Variants in DENND1A observed in about 807,000 individuals in gnomAD.
DENND1A encodes DENN domain containing 1A.
DENND1A carries 51 observed loss-of-function variants against 113.7 expected under a neutral mutation model. The observed-to-expected ratio is 0.45, with a 90% CI of 0.36 to 0.57. DENND1A has a LOEUF of 0.57. Among genes scored for constraint, DENND1A ranks in the 20% least tolerant of loss-of-function variants. DENND1A has a pLI of 0.00. For missense variants in DENND1A, 1,258 were observed against 1,395.9 expected (o/e 0.90, Z 1.57); for synonymous variants, 565 against 570.8 (o/e 0.99, Z 0.14).
intron 14 of DENND1A, 72 bp from the exon 15 acceptor site, chr9:123,457,507 C>G (rs887275978): frequency 7.2e-6 from 9 of 1,245,930 alleles, no homozygotes; most frequent in Non-Finnish European, 1.1e-5. Context: ...AGCTGGGCAC[C>G]TTACTGTATC....
intron 13 of DENND1A, among the ~76,000 whole-genome samples, chr9:123,466,705 T>C (rs967725895): frequency 3.3e-5 from 5 of 152,156 alleles, no homozygotes; most frequent in South Asian, 2.1e-4. Flanking sequence ...TATGTCATCA[T>C]TTTCAGGATA....
Position 123,393,182 on chromosome 9 carries a change from G to A in DENND1A, c.1632-5324C>T, listed in dbSNP as rs372992649. ...ACTTAAATGCACGTATTCGTAAAGG[G>A]CTTTGCATGGTGCTGAGCACACAGT... On this transcript the variant is annotated intron_variant, in intron 21 of 23. Transcript: ENST00000394215. Among the ~76,000 whole-genome samples, 61 of 152,312 alleles carry A rather than the reference G, an allele frequency of 4.0e-4. No homozygotes were observed. The South Asian group carries it at 9.5e-3, about 24-fold the overall frequency.
intron 19 of DENND1A, chr9:123,437,924 T>C (rs2046646349): frequency 6.6e-6 from 1 of 152,218 alleles, no homozygotes; most frequent in Non-Finnish European, 1.5e-5. Flanking sequence ...TTGTTTTATA[T>C]GTTAGAAAAA....
chr9:123,921,235 T>A (rs1856196633), intron 1 of DENND1A, among the ~76,000 whole-genome samples: 1 of 152,204 alleles, frequency 6.6e-6, no homozygotes, highest in Non-Finnish European at 1.5e-5. Context: ...AGCAGTCATA[T>A]CTCCACTGAG....
chr9:123,616,252 T>C (rs1174020080), intron 10 of DENND1A, among the ~76,000 whole-genome samples: 1 of 152,168 alleles, frequency 6.6e-6, no homozygotes, highest in African/African-American at 2.4e-5. Context: ...TAAAAAGGTA[T>C]TCTCAAAAAC....
At chr9:123,559,209 GA>G (rs755388834) in intron 12 of DENND1A, among the ~76,000 whole-genome samples, 7 of 152,140 alleles carry the variant, frequency 4.6e-5, no homozygotes, top group Non-Finnish European at 1.0e-4. Context: ...AAAATGAGGG[GA>G]ATATGGCTTG....
chr9:123,427,884 G>C (rs757902472), intron 19 of DENND1A, among the ~76,000 whole-genome samples: 1 of 152,218 alleles, frequency 6.6e-6, no homozygotes, highest in Non-Finnish European at 1.5e-5. Context: ...ACTAGGAAGT[G>C]ACAGTCACTT....
intron 5 of DENND1A, among the ~76,000 whole-genome samples, chr9:123,733,485 C>CTAT (rs1487625690): frequency 6.6e-6 from 1 of 152,076 alleles, no homozygotes; most frequent in Non-Finnish European, 1.5e-5. Context: ...CAGGGTCTCA[C>CTAT]TATGTTGGCC....
intron 5 of DENND1A, among the ~76,000 whole-genome samples, chr9:123,733,692 G>GTC (rs1406367650): frequency 2.1e-5 from 3 of 144,600 alleles, no homozygotes; most frequent in African/African-American, 7.8e-5. Flanking sequence ...TTGAGACAGA[G>GTC]TCTTGCTCTG....
At chr9:123,913,845 T>C (rs894061532) in intron 1 of DENND1A, among the ~76,000 whole-genome samples, 1 of 146,450 alleles carries the variant, frequency 6.8e-6, no homozygotes, top group Non-Finnish European at 1.5e-5. Context: ...GCGGAGGTTG[T>C]GGTGAGCTGA....
chr9:123,709,610 C>T (rs528389393), intron 5 of DENND1A, among the ~76,000 whole-genome samples: 1 of 152,300 alleles, frequency 6.6e-6, no homozygotes, highest in East Asian at 1.9e-4. Flanking sequence ...TTGCTACTGC[C>T]TTGCTATATG....
At chr9:123,887,253 G>A (rs1433918989) in intron 1 of DENND1A, among the ~76,000 whole-genome samples, 1 of 152,198 alleles carries the variant, frequency 6.6e-6, no homozygotes, top group African/African-American at 2.4e-5. Context: ...GGTAGGCAGA[G>A]TGAGGTAGAC....
At chr9:123,418,566 G>A (rs981161822) in intron 19 of DENND1A, among the ~76,000 whole-genome samples, 6 of 152,332 alleles carry the variant, frequency 3.9e-5, no homozygotes, top group Admixed American at 1.3e-4. Flanking sequence ...GAAAACGCTC[G>A]ACGGCCAGGT....
intron 13 of DENND1A, among the ~76,000 whole-genome samples, chr9:123,467,532 G>A (rs2049054948): frequency 6.6e-6 from 1 of 152,154 alleles, no homozygotes; most frequent in African/African-American, 2.4e-5. Context: ...GCGGGCGCCT[G>A]TAATCCCAGC....
intron 19 of DENND1A, among the ~76,000 whole-genome samples, chr9:123,420,724 A>G (rs1409788751): frequency 6.6e-6 from 1 of 152,234 alleles, no homozygotes; most frequent in East Asian, 1.9e-4. Context: ...AAGCCTTGTC[A>G]AGATCCCTGA....
intron 21 of DENND1A, among the ~76,000 whole-genome samples, chr9:123,390,137 T>A (rs1018651704): frequency 6.6e-6 from 1 of 152,258 alleles, no homozygotes; most frequent in Non-Finnish European, 1.5e-5. Context: ...ACTTCATAGA[T>A]ACCATTTAAC....
At chr9:123,677,685 C>T (rs947310972) in intron 5 of DENND1A, among the ~76,000 whole-genome samples, 4 of 152,186 alleles carry the variant, frequency 2.6e-5, no homozygotes, top group African/African-American at 9.6e-5. Flanking sequence ...CTGCCTGCCT[C>T]GGCCTCCCAA....
chr9:123,681,655 G>A (rs1396788193), intron 5 of DENND1A, among the ~76,000 whole-genome samples: 2 of 152,180 alleles, frequency 1.3e-5, no homozygotes, highest in African/African-American at 4.8e-5. Flanking sequence ...GAATGTAACT[G>A]TGGGGCATCA....
intron 13 of DENND1A, among the ~76,000 whole-genome samples, chr9:123,525,463 A>T (rs2054750236): frequency 6.6e-6 from 1 of 152,198 alleles, no homozygotes; most frequent in Admixed American, 6.5e-5. Flanking sequence ...AGTTAGCCTC[A>T]ATCACCTGTA....
Sources: allele counts gnomAD v4.1 joint callset (sites outside exome capture counted in the v4.1 genomes callset), GRCh38; gene constraint gnomAD v4.1.1; transcripts MANE v1.5; gene names NCBI Gene and HGNC (gene_info 2026-07-23, HGNC 2026-07-21).